Variants in CDKN2B-AS1 observed in about 807,000 individuals in gnomAD.
The protein encoded by CDKN2B-AS1 is CDKN2B antisense RNA 1 (non-protein coding).
intron 4 of CDKN2B-AS1, chr9:22,118,668 A>G (rs1162674364): frequency 6.6e-6 from 1 of 152,198 alleles, no homozygotes; most frequent in Non-Finnish European, 1.5e-5. Flanking sequence ...CCAGACTTGG[A>G]GTACAAGTAA....
intron 1 of CDKN2B-AS1, chr9:22,009,027 T>C: frequency 6.3e-7 from 1 of 1,598,002 alleles, no homozygotes; most frequent in Non-Finnish European, 8.6e-7. Flanking sequence ...TCTTCCCTTC[T>C]TTCCCACGCT....
intron 4 of CDKN2B-AS1, among the ~76,000 whole-genome samples, chr9:22,071,290 T>TAG (rs1174192785): frequency 1.2e-4 from 2 of 17,270 alleles, no homozygotes; most frequent in African/African-American, 5.3e-4. Flanking sequence ...TCTAGCTTTT[T>TAG]TTTTTTTTTT....
At chr9:22,073,460 A>G (rs1435891138) in intron 4 of CDKN2B-AS1, among the ~76,000 whole-genome samples, 1 of 152,174 alleles carries the variant, frequency 6.6e-6, no homozygotes, top group Non-Finnish European at 1.5e-5. Context: ...AATATACACC[A>G]CCTCAAAGAG....
At chr9:22,126,766 G>A (rs940251662) in intron 4 of CDKN2B-AS1, among the ~76,000 whole-genome samples, 7 of 152,020 alleles carry the variant, frequency 4.6e-5, no homozygotes, top group Admixed American at 6.5e-5. Flanking sequence ...TAGAGACGGG[G>A]TTTCACCATG....
rs145651829 is a variant in CDKN2B-AS1, at chr9:22,013,432, C to T, written n.29+18271C>T. 3.6e-3 allele frequency among the ~76,000 whole-genome samples: 554 copies of T among 152,112 alleles called. 5 individuals are homozygous for T. Among genetic ancestry groups the T allele is most frequent in the African/African-American group, 0.013 (521 of 41,508 alleles). Reference sequence around the variant, plus strand: ...AAATTGGTTGAAATTGCTACAGTCTCTTGTATCTCTCTCTCTCTCTTTTTT... The same window carrying T: ...AAATTGGTTGAAATTGCTACAGTCTTTTGTATCTCTCTCTCTCTCTTTTTT... On this transcript the variant is annotated intron_variant and non_coding_transcript_variant, in intron 1 of 4. Transcript: ENST00000650946.
At chr9:22,064,392 G>A (rs8181050) in intron 4 of CDKN2B-AS1, among the ~76,000 whole-genome samples, 111,474 of 151,896 alleles carry the variant, frequency 0.73, 42,475 homozygotes, top group African/African-American at 0.93. Context: ...GAAAATGTTG[G>A]GCTTATTGGG....
At chr9:22,122,250 GT>G (rs1350146320) in intron 4 of CDKN2B-AS1, among the ~76,000 whole-genome samples, 1 of 151,668 alleles carries the variant, frequency 6.6e-6, no homozygotes, top group Non-Finnish European at 1.5e-5. Flanking sequence ...TAATTAGATT[GT>G]TTTTACTGTT....
intron 4 of CDKN2B-AS1, among the ~76,000 whole-genome samples, chr9:22,063,101 G>T (rs1285514612): frequency 6.6e-6 from 1 of 152,020 alleles, no homozygotes; most frequent in African/African-American, 2.4e-5. Flanking sequence ...AGTTTTAATG[G>T]TGCTTAGGAG....
chr9:22,008,625 C>T (rs1821314046), intron 1 of CDKN2B-AS1: 5 of 1,577,922 alleles, frequency 3.2e-6, no homozygotes, highest in Non-Finnish European at 4.3e-6. Flanking sequence ...CAATGTCTCT[C>T]TTTAGGATTT....
chr9:22,045,348 T>G (rs1159981046), intron 1 of CDKN2B-AS1, among the ~76,000 whole-genome samples: 1 of 152,046 alleles, frequency 6.6e-6, no homozygotes, highest in Admixed American at 6.6e-5. Flanking sequence ...AAACTGAGAC[T>G]TAGAGAGGTT....
chr9:22,101,703 T>TAC (rs1825492079), intron 4 of CDKN2B-AS1, among the ~76,000 whole-genome samples: 1 of 90,250 alleles, frequency 1.1e-5, no homozygotes, highest in African/African-American at 2.8e-5. Flanking sequence ...CACACACACA[T>TAC]GGCTTCTAGA....
chr9:22,114,909 T>G (rs1416359563), intron 4 of CDKN2B-AS1, among the ~76,000 whole-genome samples: 1 of 152,194 alleles, frequency 6.6e-6, no homozygotes, highest in African/African-American at 2.4e-5. Context: ...ATACTTTCAT[T>G]TATCATACTT....
At chr9:22,116,200 G>C (rs1825945834) in intron 4 of CDKN2B-AS1, among the ~76,000 whole-genome samples, 1 of 152,196 alleles carries the variant, frequency 6.6e-6, no homozygotes, top group Admixed American at 6.5e-5. Flanking sequence ...TGAGACACAA[G>C]GTAGTCTGTA....
intron 4 of CDKN2B-AS1, among the ~76,000 whole-genome samples, chr9:22,079,529 G>GA (rs1197468327): frequency 1.3e-4 from 20 of 149,062 alleles, no homozygotes; most frequent in Admixed American, 1.3e-3. Context: ...AAAAGGGAAA[G>GA]AAAAAAAAGA....
chr9:22,040,943 GC>G (rs1428172924), intron 1 of CDKN2B-AS1, among the ~76,000 whole-genome samples: 1 of 151,926 alleles, frequency 6.6e-6, no homozygotes, highest in African/African-American at 2.4e-5. Flanking sequence ...GTATCTCTAG[GC>G]TTTCTCATCT....
At chr9:22,062,459 T>C (rs1823859677) in intron 4 of CDKN2B-AS1, among the ~76,000 whole-genome samples, 1 of 152,152 alleles carries the variant, frequency 6.6e-6, no homozygotes, top group Admixed American at 6.6e-5. Context: ...GTGTTATGTT[T>C]TGGGCTAGCT....
chr9:22,016,993 T>TATTA (rs1396731817), intron 1 of CDKN2B-AS1, among the ~76,000 whole-genome samples: 2 of 152,258 alleles, frequency 1.3e-5, no homozygotes, highest in African/African-American at 4.8e-5. Context: ...GACATGGAAC[T>TATTA]ATTAGTCTTT....
At chr9:22,071,185 T>A (rs550095895) in intron 4 of CDKN2B-AS1, among the ~76,000 whole-genome samples, 5 of 149,412 alleles carry the variant, frequency 3.3e-5, no homozygotes, top group African/African-American at 1.2e-4. Context: ...AGGAGACTAA[T>A]ATCTAGTATG....
chr9:22,120,582 G>A (rs1826071995), intron 4 of CDKN2B-AS1: 1 of 151,932 alleles, frequency 6.6e-6, no homozygotes, highest in Non-Finnish European at 1.5e-5. Flanking sequence ...AACCAGGACT[G>A]GAACCTATAT....
Sources: gnomAD v4.1 joint callset for allele counts (sites outside exome capture counted in the v4.1 genomes callset) on GRCh38, gnomAD v4.1.1 for gene constraint, MANE v1.5 for transcripts, NCBI Gene and HGNC (gene_info 2026-07-23, HGNC 2026-07-21) for gene names.